CLIC5: variants seen among roughly 807,000 people sequenced by gnomAD.
CLIC5 encodes chloride intracellular channel protein 5.
In CLIC5, 20 loss-of-function variants were observed where a neutral mutation model predicts 24.7. The observed-to-expected ratio is 0.81, with a 90% CI of 0.57 to 1.18. The LOEUF (loss-of-function observed/expected upper bound fraction) is 1.18, where lower values mean the gene tolerates loss of function less well. CLIC5 is among the 50% of genes most tolerant of loss of function. The probability of loss-of-function intolerance (pLI) is 0.00; values close to 1 mark genes in which losing one functional copy is unlikely to be tolerated. For missense variants in CLIC5, 341 were observed against 326.1 expected, an observed-to-expected ratio of 1.05 and a Z score of -0.35; for synonymous variants, 159 against 135.6, an observed-to-expected ratio of 1.17 and a Z score of -1.20.
At chr6:46,021,780 G>A (rs1346171826) in intron 1 of CLIC5, among the ~76,000 whole-genome samples, 2 of 152,236 alleles carry the variant, frequency 1.3e-5, no homozygotes, top group Admixed American at 6.5e-5. Flanking sequence ...CAGGGACTGG[G>A]ATAGATGAGG....
At chr6:45,911,669 G>A (rs1561924832) in intron 5 of CLIC5, 1 of 985,154 alleles carries the variant, frequency 1.0e-6, no homozygotes, top group African/African-American at 1.7e-5. Context: ...AGGGCAGAAT[G>A]TTAGTTTCAA....
At chr6:46,088,786 T>A in the CLIC5 span, among the ~76,000 whole-genome samples, 1 of 152,198 alleles carries the variant, frequency 6.6e-6, no homozygotes, top group African/African-American at 2.4e-5. Flanking sequence ...TTCAAAGATA[T>A]CTTTCTTTAT....
At chr6:46,103,655 C>T in the CLIC5 span, among the ~76,000 whole-genome samples, 1 of 152,152 alleles carries the variant, frequency 6.6e-6, no homozygotes, top group African/African-American at 2.4e-5. Flanking sequence ...TTCTTAACTC[C>T]ATTGGAGGGT....
chr6:45,932,965 C>T (rs191692778), intron 4 of CLIC5, among the ~76,000 whole-genome samples: 2 of 152,302 alleles, frequency 1.3e-5, no homozygotes, highest in Non-Finnish European at 2.9e-5. Context: ...CCTTCAATCA[C>T]GTTCCCATTC....
At chr6:46,022,122 AAAAC>A (rs1767201485) in intron 1 of CLIC5, among the ~76,000 whole-genome samples, 1 of 152,240 alleles carries the variant, frequency 6.6e-6, no homozygotes, top group Non-Finnish European at 1.5e-5. Flanking sequence ...TCAACAAAAT[AAAAC>A]AAACTTTCAT....
intron 3 of CLIC5, among the ~76,000 whole-genome samples, chr6:45,943,572 C>T (rs73735488): frequency 6.6e-6 from 1 of 152,320 alleles, no homozygotes; most frequent in African/African-American, 2.4e-5. Context: ...TAACAAATGC[C>T]AAGTGTTCTT....
intron 1 of CLIC5, among the ~76,000 whole-genome samples, chr6:45,978,733 G>A (rs1346155339): frequency 6.6e-6 from 1 of 152,104 alleles, no homozygotes; most frequent in Admixed American, 6.5e-5. Flanking sequence ...GAGGCGAGTG[G>A]ATCACCTGAA....
intron 2 of CLIC5, among the ~76,000 whole-genome samples, chr6:45,954,912 T>G (rs2127386398): frequency 6.6e-6 from 1 of 152,342 alleles, no homozygotes; most frequent in Non-Finnish European, 1.5e-5. Context: ...TCTTCTTTGC[T>G]AATCGTAACT....
chr6:46,028,936 C>T (rs549350429), intron 1 of CLIC5, among the ~76,000 whole-genome samples: 15 of 152,116 alleles, frequency 9.9e-5, no homozygotes, highest in African/African-American at 1.7e-4. Context: ...GTATTTTCAC[C>T]GCCCTAAATA....
intron 1 of CLIC5, among the ~76,000 whole-genome samples, chr6:46,059,115 A>G (rs1768344492): frequency 6.6e-6 from 1 of 152,158 alleles, no homozygotes; most frequent in Non-Finnish European, 1.5e-5. Flanking sequence ...AGCTTCTCAA[A>G]TCTGTAATAA....
At chr6:45,982,639 A>G (rs1198412062) in intron 1 of CLIC5, among the ~76,000 whole-genome samples, 4 of 152,210 alleles carry the variant, frequency 2.6e-5, no homozygotes, top group Admixed American at 6.5e-5. Flanking sequence ...TAATAAAAAT[A>G]CAGTATTATA....
intron 1 of CLIC5, among the ~76,000 whole-genome samples, chr6:45,994,522 G>A (rs1044133358): frequency 2.0e-5 from 3 of 152,110 alleles, no homozygotes; most frequent in African/African-American, 4.8e-5. Context: ...GAATTCAGAG[G>A]ATGGGTCAAT....
chr6:46,053,039 C>T (rs552945995), intron 1 of CLIC5, among the ~76,000 whole-genome samples: 34 of 151,892 alleles, frequency 2.2e-4, no homozygotes, highest in Non-Finnish European at 4.3e-4. Context: ...AATAGAAGAG[C>T]TAGAAATAAG....
At chr6:45,929,138 C>T (rs1043746826) in intron 4 of CLIC5, among the ~76,000 whole-genome samples, 2 of 152,106 alleles carry the variant, frequency 1.3e-5, no homozygotes, top group East Asian at 1.9e-4. Context: ...TCTCCCCATG[C>T]CTGCCCCATT....
rs723580 is a variant in CLIC5 at position 46,079,903 on chromosome 6, T to C, written c.340A>G (p.Thr114Ala). The C allele has an allele frequency of 0.047, 72,890 of 1,551,914 alleles. 1,820 individuals are homozygous for C. The highest frequency in any genetic ancestry group is 0.068 in the Middle Eastern group (409 of 5,990). ...GCTGCGCAGAGTTGCTGGTCCTGGG[T>C]TGATGAATATAACCCTTCCATTGAG... Residue 114 changes from threonine (T) to alanine (A), a missense_variant, in exon 1 of 6, where the codon ACC becomes GCC. Thr to Ala is a moderately conservative substitution (Grantham distance 58). Coordinates refer to the CLIC5 transcript ENST00000185206.
intron 1 of CLIC5, among the ~76,000 whole-genome samples, chr6:45,964,148 G>T (rs947674496): frequency 1.3e-5 from 2 of 152,154 alleles, no homozygotes; most frequent in Non-Finnish European, 2.9e-5. Context: ...GGCTGTTTCT[G>T]CTCACTAGCC....
chr6:45,922,474 T>G (rs1188513305), intron 4 of CLIC5, among the ~76,000 whole-genome samples: 1 of 152,220 alleles, frequency 6.6e-6, no homozygotes, highest in Non-Finnish European at 1.5e-5. Flanking sequence ...CAAATCACCC[T>G]TATATTTGGC....
At chr6:45,951,875 A>T (rs1764481224) in intron 2 of CLIC5, among the ~76,000 whole-genome samples, 1 of 152,158 alleles carries the variant, frequency 6.6e-6, no homozygotes, top group African/African-American at 2.4e-5. Flanking sequence ...TGCTACTCCC[A>T]TGTCCCTCCC....
In CLIC5 at chr6:46,059,505, A is replaced by G. The variant is rs62400499; in HGVS notation, c.540+20198T>C. 8.4e-3 allele frequency among the ~76,000 whole-genome samples: 1,285 copies of G among 152,296 alleles called. 8 individuals are homozygous for G. Among genetic ancestry groups the G allele is most frequent in the Non-Finnish European group, 0.013 (902 of 68,018 alleles). ...GCCTGAAGAATTGAGTGGCAGTGAT[A>G]TGGCTGCTTCTCAGAAACAGTGATA... On this transcript the variant is annotated intron_variant, in intron 1 of 5. Transcript: ENST00000185206.
Sources: allele counts gnomAD v4.1 joint callset (sites outside exome capture counted in the v4.1 genomes callset), GRCh38; gene constraint gnomAD v4.1.1; transcripts MANE v1.5; gene names NCBI Gene and HGNC (gene_info 2026-07-23, HGNC 2026-07-21).